DSCAM: variants seen among roughly 807,000 people sequenced by gnomAD.
The protein encoded by DSCAM is DS cell adhesion molecule, also known as cell adhesion molecule DSCAM.
Under a neutral mutation model 217.7 loss-of-function variants are expected in DSCAM, and 47 were observed. The ratio of observed to expected loss-of-function variants is 0.22; its 90% CI spans 0.17 to 0.28. The LOEUF (loss-of-function observed/expected upper bound fraction) is 0.28, where lower values mean the gene tolerates loss of function less well. Ranked by LOEUF, DSCAM falls within the 10% of genes least tolerant of loss-of-function variation. DSCAM has a pLI of 1.00. For missense variants in DSCAM, 2,080 were observed against 2,618.3 expected, an observed-to-expected ratio of 0.79 and a Z score of 4.49; for synonymous variants, 1,056 against 1,015.3, an observed-to-expected ratio of 1.04 and a Z score of -0.76.
chr21:40,080,398 A>G (rs1225577863), intron 24 of DSCAM, 58 bp from the exon 25 acceptor site: 1 of 1,392,770 alleles, frequency 7.2e-7, no homozygotes, highest in East Asian at 2.5e-5. Context: ...TGGGAAGTGG[A>G]CTGATGCTTG....
chr21:40,376,418 T>C (rs2074951763), intron 3 of DSCAM, among the ~76,000 whole-genome samples: 1 of 143,410 alleles, frequency 7.0e-6, no homozygotes, highest in Middle Eastern at 3.7e-3. Flanking sequence ...ATCATATATA[T>C]CTTATATAGA....
At chr21:40,840,051 GAACA>G (rs771000366) in intron 1 of DSCAM, among the ~76,000 whole-genome samples, 70 of 152,194 alleles carry the variant, frequency 4.6e-4, no homozygotes, top group Non-Finnish European at 5.9e-4. Flanking sequence ...TGATCACATA[GAACA>G]AATAGAGATG....
chr21:40,807,705 G>A (rs2091800488), intron 1 of DSCAM, among the ~76,000 whole-genome samples: 1 of 152,148 alleles, frequency 6.6e-6, no homozygotes, highest in Non-Finnish European at 1.5e-5. Flanking sequence ...TAATAAAAGT[G>A]CAGTTAGAAC....
intron 16 of DSCAM, among the ~76,000 whole-genome samples, chr21:40,146,219 G>T (rs1445188073): frequency 2.0e-5 from 3 of 151,644 alleles, no homozygotes; most frequent in African/African-American, 7.3e-5. Context: ...GAGTATGGGT[G>T]GTCTGAAGTG....
intron 9 of DSCAM, among the ~76,000 whole-genome samples, chr21:40,309,211 C>T (rs1274355725): frequency 2.0e-5 from 3 of 152,118 alleles, no homozygotes; most frequent in South Asian, 2.1e-4. Context: ...TTTCTGAGTT[C>T]CTGCACATTG....
chr21:40,021,993 G>A (rs560169308), intron 32 of DSCAM, among the ~76,000 whole-genome samples: 4 of 152,180 alleles, frequency 2.6e-5, no homozygotes, highest in Non-Finnish European at 4.4e-5. Context: ...TCAGACACAC[G>A]CAAGGTTTGA....
chr21:40,237,685 GTGTCTT>G (rs2073097830), intron 11 of DSCAM, among the ~76,000 whole-genome samples: 1 of 152,190 alleles, frequency 6.6e-6, no homozygotes. Flanking sequence ...ACATGTGCAT[GTGTCTT>G]TATAGTAGAA....
chr21:40,721,890 T>C (rs533384403), intron 1 of DSCAM, among the ~76,000 whole-genome samples: 1 of 151,744 alleles, frequency 6.6e-6, no homozygotes, highest in East Asian at 1.9e-4. Flanking sequence ...AAATCCAACA[T>C]AAAGAAAAAA....
intron 20 of DSCAM, among the ~76,000 whole-genome samples, chr21:40,113,722 T>C (rs1021300614): frequency 5.3e-5 from 8 of 152,186 alleles, no homozygotes; most frequent in Admixed American, 2.6e-4. Context: ...AGTCTCAGGA[T>C]ACAAAATCAA....
intron 3 of DSCAM, among the ~76,000 whole-genome samples, chr21:40,578,738 G>C (rs138996062): frequency 6.6e-6 from 1 of 152,140 alleles, no homozygotes; most frequent in African/African-American, 2.4e-5. Context: ...TGAAGTCAGC[G>C]AGAACAAGAA....
At chr21:40,138,599 G>C (rs528134786) in intron 18 of DSCAM, among the ~76,000 whole-genome samples, 1 of 140,696 alleles carries the variant, frequency 7.1e-6, no homozygotes, top group East Asian at 2.3e-4. Context: ...ATGTGGTGTA[G>C]GTGAGGTGTG....
intron 1 of DSCAM, among the ~76,000 whole-genome samples, chr21:40,753,977 AG>A (rs1414710357): frequency 1.3e-5 from 2 of 152,142 alleles, no homozygotes; most frequent in Admixed American, 6.5e-5. Flanking sequence ...TACAAATTGA[AG>A]GGGGTTGTGC....
chr21:40,131,630 G>T lies in DSCAM; in HGVS notation c.3562+2224C>A, dbSNP rs565751910. On this transcript the variant is annotated intron_variant, in intron 19 of 32. Transcript: ENST00000400454. ...AGTAGAGACAGGGTTTCACCATGTTGGCCAGGCTGGTCTCGAACTCCTGGC... is the reference window on the plus strand; with the variant it reads ...AGTAGAGACAGGGTTTCACCATGTTTGCCAGGCTGGTCTCGAACTCCTGGC... 2.6e-5 allele frequency among the ~76,000 whole-genome samples: 4 copies of T among 152,190 alleles called. No homozygotes were observed. In the East Asian group the frequency reaches 7.7e-4, roughly 29 times the overall value.
intron 3 of DSCAM, among the ~76,000 whole-genome samples, chr21:40,372,857 A>G (rs528296463): frequency 1.1e-4 from 17 of 152,324 alleles, no homozygotes; most frequent in Non-Finnish European, 1.8e-4. Flanking sequence ...ATCAGTTAAC[A>G]TGAGCTTACA....
intron 3 of DSCAM, among the ~76,000 whole-genome samples, chr21:40,473,466 C>T (rs565784297): frequency 6.9e-4 from 105 of 152,282 alleles, no homozygotes; most frequent in African/African-American, 2.4e-3. Flanking sequence ...TGATAGACTG[C>T]GGATGCCGAC....
At chr21:40,659,353 G>GTATCTATC (rs55878811) in intron 3 of DSCAM, among the ~76,000 whole-genome samples, 16,437 of 148,362 alleles carry the variant, frequency 0.11, 984 homozygotes, top group Middle Eastern at 0.17. Context: ...GATCAGATGA[G>GTATCTATC]TATCTATCTA....
intron 1 of DSCAM, among the ~76,000 whole-genome samples, chr21:40,842,564 C>T (rs1225883235): frequency 6.6e-6 from 1 of 151,954 alleles, no homozygotes; most frequent in East Asian, 1.9e-4. Flanking sequence ...ACAGGTCTTT[C>T]TTTATAAAAT....
chr21:40,733,091 A>G (rs1274276963), intron 1 of DSCAM, among the ~76,000 whole-genome samples: 3 of 152,236 alleles, frequency 2.0e-5, no homozygotes, highest in Non-Finnish European at 2.9e-5. Context: ...GGTATGGCAA[A>G]CTGTGCCAGG....
chr21:40,399,269 C>CACGAAACAAAACAAAACAAAACAAA (rs368244425), intron 3 of DSCAM, among the ~76,000 whole-genome samples: 38 of 150,308 alleles, frequency 2.5e-4, no homozygotes, highest in Admixed American at 8.7e-4. Flanking sequence ...GACCCTGTCT[C>CACGAAACAAAACAAAACAAAACAAA]ACAAAACAAA....
Sources: gnomAD v4.1 joint callset for allele counts (sites outside exome capture counted in the v4.1 genomes callset) on GRCh38, gnomAD v4.1.1 for gene constraint, MANE v1.5 for transcripts, NCBI Gene and HGNC (gene_info 2026-07-23, HGNC 2026-07-21) for gene names.